RPGR: variants seen among roughly 807,000 people sequenced by gnomAD.
RPGR encodes retinitis pigmentosa GTPase regulator, also known as X-linked retinitis pigmentosa GTPase regulator.
RPGR carries 10 observed loss-of-function variants against 56.3 expected under a neutral mutation model. The ratio of observed to expected loss-of-function variants is 0.18; its 90% confidence interval spans 0.11 to 0.30. The LOEUF (loss-of-function observed/expected upper bound fraction) is 0.30, where lower values mean the gene tolerates loss of function less well. Ranked by LOEUF, RPGR falls within the 10% of genes least tolerant of loss-of-function variation. The probability of loss-of-function intolerance (pLI) is 1.00; values close to 1 mark genes in which losing one functional copy is unlikely to be tolerated. For missense variants in RPGR, 538 were observed against 590.9 expected, an observed-to-expected ratio of 0.91 and a Z score of 0.93; for synonymous variants, 197 against 212.9, an observed-to-expected ratio of 0.93 and a Z score of 0.65.
intron 18 of RPGR, among the ~76,000 whole-genome samples, chrX:38,270,389 C>A (rs1434860922): frequency 9.8e-6 from 1 of 101,533 alleles, no homozygotes; most frequent in African/African-American, 3.7e-5. Flanking sequence ...CCGAGGCGGG[C>A]AGATCACAAG....
rs781050545 is a variant in RPGR, at chrX:38,327,344, C to G, written c.24G>C (p.Met8Ile). 1 of 1,190,808 alleles carries G rather than the reference C, an allele frequency of 8.4e-7. No homozygotes were observed. Among genetic ancestry groups the G allele is most frequent in the South Asian group, 1.8e-5 (1 of 54,353 alleles). ...ACCGGCGCGGGCGCAACTCACCGGG[C>G]ATCAGCTCTTCCGGCTCCCTCATGC... is the stretch of plus-strand genomic sequence containing the variant. Residue 8 changes from methionine (M) to isoleucine (I), a missense_variant, in exon 1 of 19, where the codon ATG becomes ATC. Around this residue, in one of 2 missense-constraint regions of RPGR, gnomAD observed 181 missense variants for 265.1 expected, o/e 0.68. Transcript: ENST00000642395.
intron 17 of RPGR, chrX:38,274,952 G>T: frequency 2.0e-6 from 1 of 505,837 alleles, no homozygotes. Context: ...TTGTTATGAG[G>T]ATCATGTGAC....
chrX:38,280,805 G>A (rs1038857454), intron 15 of RPGR, among the ~76,000 whole-genome samples: 1 of 110,413 alleles, frequency 9.1e-6, no homozygotes, highest in South Asian at 3.9e-4. Context: ...AAAGTTCTGC[G>A]ATTACAGGTG....
At chrX:38,286,495 C>G (rs770346168) in intron 15 of RPGR, 2 of 932,988 alleles carry the variant, frequency 2.1e-6, no homozygotes, top group Non-Finnish European at 2.7e-6. Flanking sequence ...CTCCTCTTCC[C>G]CCTCACCCTC....
chrX:38,304,162 C>T (rs1447040111), intron 8 of RPGR, among the ~76,000 whole-genome samples: 1 of 111,220 alleles, frequency 9.0e-6, no homozygotes, highest in Non-Finnish European at 1.9e-5. Context: ...CTCTCTAACA[C>T]GTAGAAAGAG....
chrX:38,303,462 T>C, intron 8 of RPGR: 1 of 179,818 alleles, frequency 5.6e-6, no homozygotes. Flanking sequence ...AATATTCGAA[T>C]TGTATGTTAG....
intron 18 of RPGR, chrX:38,273,344 T>A (rs369960178): frequency 3.1e-5 from 32 of 1,033,627 alleles, no homozygotes; most frequent in Non-Finnish European, 4.3e-5. Flanking sequence ...AAACAAACAA[T>A]TGAATTCAAA....
At chrX:38,319,921 A>G (rs967776339) in intron 4 of RPGR, among the ~76,000 whole-genome samples, 3 of 112,059 alleles carry the variant, frequency 2.7e-5, no homozygotes, top group Non-Finnish European at 3.8e-5. Context: ...TAAAAATTTT[A>G]AAGTTATTGT....
intron 7 of RPGR, among the ~76,000 whole-genome samples, chrX:38,305,359 G>A (rs757936772): frequency 3.2e-4 from 35 of 111,029 alleles, no homozygotes; most frequent in Non-Finnish European, 5.9e-4. Context: ...AGGTTGCAGT[G>A]GGCCAAGATT....
chrX:38,288,059 T>C lies in RPGR; in HGVS notation c.1573-18A>G. On this transcript the variant is annotated intron_variant, in intron 13 of 18. Coordinates refer to ENST00000642395, the MANE Select transcript of RPGR (RefSeq NM_000328.3). ...TGTTGTTTCTGTAAATTTTTTGAAG[T>C]AATTATCATATGTCATACTACTATT... 1 of 1,174,874 alleles carries C rather than the reference T, an allele frequency of 8.5e-7. No individual in the cohort carries two copies. The highest frequency in any genetic ancestry group is 1.2e-6 in the Non-Finnish European group (1 of 862,150).
At chrX:38,291,329 A>G in intron 12 of RPGR, 64 bp downstream of exon 12, 1 of 673,621 alleles carries the variant, frequency 1.5e-6, no homozygotes, top group Middle Eastern at 3.9e-4. Flanking sequence ...GTATACACAC[A>G]TTCACATACA....
intron 13 of RPGR, among the ~76,000 whole-genome samples, chrX:38,290,443 T>C (rs1162219453): frequency 1.8e-5 from 2 of 112,269 alleles, no homozygotes; most frequent in Non-Finnish European, 3.8e-5. Context: ...TTTCCAAATG[T>C]TTAATTTTAT....
Position 38,269,771 on chromosome X carries a change from G to A in RPGR, c.2303C>T (p.Pro768Leu), listed in dbSNP as rs757080712. The A allele has an allele frequency of 2.9e-5, 35 of 1,207,679 alleles. No homozygotes were observed. In the Middle Eastern group the frequency reaches 9.2e-4, roughly 32 times the overall value. Residue 768 changes from proline (P) to leucine (L), a missense_variant, in exon 19 of 19, where the codon CCG becomes CTG. Transcript: ENST00000642395. ...TCCTATGGATTTTATCTCTGGGAGC[G>A]GCTCATTGTTATTCTTGACAATCTT...
chrX:38,319,628 A>G (rs1255564784), intron 4 of RPGR, among the ~76,000 whole-genome samples: 2 of 112,252 alleles, frequency 1.8e-5, no homozygotes, highest in African/African-American at 6.5e-5. Context: ...AATGAGGATA[A>G]TAATAGTACC....
rs761734299 is a variant in RPGR, at chrX:38,287,346, C to A, written c.1754-101G>T. 4.3e-6 allele frequency: 5 copies of A among 1,159,043 alleles called. No individual in the cohort carries two copies. In the East Asian group the frequency reaches 8.9e-5, roughly 21 times the overall value. On this transcript the variant is annotated intron_variant, in intron 14 of 18. Coordinates refer to ENST00000642395, the MANE Select transcript of RPGR (RefSeq NM_000328.3). The stretch of plus-strand genomic sequence containing the variant: ...CTTGTTCAATCAATTTCCTGCCATA[C>A]CGTATGTTTTGGTCAGTTTCCACTT...
chrX:38,269,790 C>T lies in RPGR; in HGVS notation c.2284G>A (p.Val762Ile), dbSNP rs1418507876. 6 of 1,209,458 alleles carry T rather than the reference C, an allele frequency of 5.0e-6. No homozygotes were observed. Among genetic ancestry groups the T allele is most frequent in the Non-Finnish European group, 5.6e-6 (5 of 894,165 alleles). ...GGGAGCGGCTCATTGTTATTCTTGA[C>T]AATCTTTTGATTTATTGAGGGGACT... The change falls in exon 19 of 19, where the codon GTC becomes ATC. Residue 762 changes from valine to isoleucine, a missense_variant. By Grantham distance (29) the Val-to-Ile change is conservative. Transcript: ENST00000642395.
chrX:38,304,202 C>T (rs745962991), intron 8 of RPGR, among the ~76,000 whole-genome samples: 2 of 111,776 alleles, frequency 1.8e-5, no homozygotes, highest in Non-Finnish European at 1.9e-5. Context: ...GAAAACGCCT[C>T]CAGGTGGCAA....
intron 11 of RPGR, among the ~76,000 whole-genome samples, chrX:38,292,154 C>A (rs987302295): frequency 8.9e-6 from 1 of 111,835 alleles, no homozygotes; most frequent in African/African-American, 3.3e-5. Context: ...CTTCAGATAA[C>A]TGCAGCCCCA....
At chrX:38,296,294 G>A (rs1284489760) in intron 11 of RPGR, 3 of 110,388 alleles carry the variant, frequency 2.7e-5, no homozygotes, top group African/African-American at 9.9e-5. Context: ...CAGCTTGGGC[G>A]ACAAAGCGAG....
Sources: gnomAD v4.1 joint callset for allele counts (sites outside exome capture counted in the v4.1 genomes callset) on GRCh38, gnomAD v4.1.1 for gene constraint, gnomAD v4.1.1 regional missense constraint, MANE v1.5 for transcripts, NCBI Gene and HGNC (gene_info 2026-07-23, HGNC 2026-07-21) for gene names.